NALF1: variants seen among roughly 807,000 people sequenced by gnomAD.
NALF1 encodes the protein family with sequence similarity 155 member A.
A neutral mutation model predicts 48.4 loss-of-function variants in NALF1; 3 were observed. The ratio of observed to expected loss-of-function variants is 0.06; its 90% CI spans 0.03 to 0.16. The LOEUF (loss-of-function observed/expected upper bound fraction) is 0.16, where lower values mean the gene tolerates loss of function less well. Among genes scored for constraint, NALF1 ranks in the 10% least tolerant of loss-of-function variants. The pLI is 1.00. For synonymous variants in NALF1, 262 were observed against 245.7 expected (o/e 1.07, Z -0.62); for missense variants, 526 against 571.5 (o/e 0.92, Z 0.81).
chr13:107,409,344 A>G (rs1194204823), intron 1 of NALF1, among the ~76,000 whole-genome samples: 7 of 152,202 alleles, frequency 4.6e-5, no homozygotes, highest in Non-Finnish European at 1.0e-4. Flanking sequence ...GAAATTAATC[A>G]GATCATCACA....
intron 1 of NALF1, among the ~76,000 whole-genome samples, chr13:107,259,180 T>C (rs559928136): frequency 2.4e-4 from 37 of 152,282 alleles, no homozygotes; most frequent in Admixed American, 1.4e-3. Flanking sequence ...TTTCCCCTTT[T>C]CCTCCATAAG....
chr13:107,400,468 C>T (rs966062885), intron 1 of NALF1, among the ~76,000 whole-genome samples: 1 of 152,050 alleles, frequency 6.6e-6, no homozygotes, highest in African/African-American at 2.4e-5. Context: ...GTAATCCCAG[C>T]ACTTTTGGAG....
intron 1 of NALF1, among the ~76,000 whole-genome samples, chr13:107,458,072 AG>A (rs1884853588): frequency 1.3e-5 from 2 of 152,196 alleles, no homozygotes; most frequent in Admixed American, 6.5e-5. Flanking sequence ...AACAATACAT[AG>A]GAAAACATTC....
chr13:107,633,133 G>A (rs9514714), intron 1 of NALF1, among the ~76,000 whole-genome samples: 88,153 of 151,900 alleles, frequency 0.58, 28,007 homozygotes, highest in East Asian at 0.99. Flanking sequence ...TCTGAAGAGC[G>A]TATTCAGATG....
At chr13:107,192,284 C>A (rs892608782) in intron 2 of NALF1, among the ~76,000 whole-genome samples, 1 of 152,170 alleles carries the variant, frequency 6.6e-6, no homozygotes, top group Non-Finnish European at 1.5e-5. Flanking sequence ...CTGACCCAAA[C>A]GACGGATGAA....
chr13:107,287,486 C>T (rs1881517874), intron 1 of NALF1, among the ~76,000 whole-genome samples: 1 of 152,108 alleles, frequency 6.6e-6, no homozygotes, highest in Non-Finnish European at 1.5e-5. Flanking sequence ...TTCTCTAATA[C>T]TTTGAAAACG....
At chr13:107,860,787 T>C (rs1880550905) in intron 1 of NALF1, among the ~76,000 whole-genome samples, 2 of 152,230 alleles carry the variant, frequency 1.3e-5, no homozygotes. Flanking sequence ...TCCATAAATT[T>C]GTTCTCGTAC....
At chr13:107,256,293 T>G (rs2138849529) in intron 1 of NALF1, among the ~76,000 whole-genome samples, 1 of 152,344 alleles carries the variant, frequency 6.6e-6, no homozygotes, top group African/African-American at 2.4e-5. Context: ...AGCACGCTGC[T>G]GTGCCTCTCT....
chr13:107,360,492 T>C (rs1053085108), intron 1 of NALF1, among the ~76,000 whole-genome samples: 12 of 152,122 alleles, frequency 7.9e-5, no homozygotes, highest in African/African-American at 2.2e-4. Flanking sequence ...TTTTTAATTA[T>C]GAAAAATTTC....
intron 1 of NALF1, among the ~76,000 whole-genome samples, chr13:107,291,340 G>C (rs1199019990): frequency 6.6e-6 from 1 of 151,860 alleles, no homozygotes; most frequent in African/African-American, 2.4e-5. Flanking sequence ...AATCTGAAAA[G>C]CTCCAAAATC....
At chr13:107,711,758 A>C (rs560879236) in intron 1 of NALF1, among the ~76,000 whole-genome samples, 1 of 152,380 alleles carries the variant, frequency 6.6e-6, no homozygotes, top group African/African-American at 2.4e-5. Flanking sequence ...CAGAAATTTC[A>C]AACAGCATTC....
chr13:107,398,192 C>A (rs531299496), intron 1 of NALF1, among the ~76,000 whole-genome samples: 9 of 152,116 alleles, frequency 5.9e-5, no homozygotes, highest in African/African-American at 2.2e-4. Context: ...CCTTGCAAAA[C>A]GATCATTGCT....
intron 1 of NALF1, among the ~76,000 whole-genome samples, chr13:107,517,619 A>G (rs1876103393): frequency 6.6e-6 from 1 of 151,814 alleles, no homozygotes; most frequent in Non-Finnish European, 1.5e-5. Context: ...TGGGTGACAG[A>G]GTGAGACGCT....
chr13:107,635,240 A>G, intron 1 of NALF1, among the ~76,000 whole-genome samples: 1 of 152,060 alleles, frequency 6.6e-6, no homozygotes. Context: ...TTTATAAAGG[A>G]AAGGGGTTTA....
chr13:107,671,888 C>G (rs74625095), intron 1 of NALF1, among the ~76,000 whole-genome samples: 129 of 152,122 alleles, frequency 8.5e-4, no homozygotes, highest in African/African-American at 3.0e-3. Flanking sequence ...CTGTTGATAG[C>G]AAAGGTGTTT....
chr13:107,826,304 CGTGTGTGT>C (rs59010695), intron 1 of NALF1, among the ~76,000 whole-genome samples: 8,282 of 150,604 alleles, frequency 0.055, 489 homozygotes, highest in East Asian at 0.3. Flanking sequence ...TGCATGTGCA[CGTGTGTGT>C]GTGTGTGTGT....
At chr13:107,184,778 CCT>C (rs1400669493) in intron 2 of NALF1, among the ~76,000 whole-genome samples, 1 of 152,012 alleles carries the variant, frequency 6.6e-6, no homozygotes, top group African/African-American at 2.4e-5. Flanking sequence ...TTTCTGAATT[CCT>C]GTTTTCCTTT....
chr13:107,283,754 G>A (rs1881435693), intron 1 of NALF1, among the ~76,000 whole-genome samples: 1 of 151,900 alleles, frequency 6.6e-6, no homozygotes, highest in Non-Finnish European at 1.5e-5. Context: ...CCACCTCCCA[G>A]GTTCACGTCA....
intron 1 of NALF1, among the ~76,000 whole-genome samples, chr13:107,359,064 G>T (rs1381679813): frequency 6.6e-6 from 1 of 152,026 alleles, no homozygotes; most frequent in East Asian, 1.9e-4. Context: ...AGGCCAGCTG[G>T]TCCAGAAACT....
Sources: allele counts gnomAD v4.1 joint callset (sites outside exome capture counted in the v4.1 genomes callset), GRCh38; gene constraint gnomAD v4.1.1; transcripts MANE v1.5; gene names NCBI Gene and HGNC (gene_info 2026-07-23, HGNC 2026-07-21).